Variants in GULP1 observed in about 807,000 individuals in gnomAD.
GULP1 encodes the protein PTB domain-containing engulfment adapter protein 1.
Under a neutral mutation model 40.9 loss-of-function variants are expected in GULP1, and 19 were observed. That is an observed-to-expected ratio of 0.46 (90% CI 0.32 to 0.68). The LOEUF (loss-of-function observed/expected upper bound fraction) is 0.68. Ranked by LOEUF, GULP1 falls within the 30% of genes least tolerant of loss-of-function variation. The pLI is 0.03. For missense variants in GULP1, 312 were observed against 362.2 expected, an observed-to-expected ratio of 0.86 and a Z score of 1.12; for synonymous variants, 119 against 117.6, an observed-to-expected ratio of 1.01 and a Z score of -0.08.
intron 1 of GULP1, among the ~76,000 whole-genome samples, chr2:188,341,284 CAGAG>C (rs1393563446): frequency 6.6e-6 from 1 of 152,060 alleles, no homozygotes; most frequent in East Asian, 1.9e-4. Flanking sequence ...GAGCAAAAGA[CAGAG>C]AGGATGGGAA....
chr2:188,480,906 T>C (rs1258605813), intron 3 of GULP1, among the ~76,000 whole-genome samples: 1 of 151,918 alleles, frequency 6.6e-6, no homozygotes. Flanking sequence ...TTAACAAACA[T>C]TTTATTCAAA....
At chr2:188,331,004 G>A (rs1168926330) in intron 1 of GULP1, among the ~76,000 whole-genome samples, 5 of 152,160 alleles carry the variant, frequency 3.3e-5, no homozygotes, top group Non-Finnish European at 5.9e-5. Context: ...GGAAAAAAAA[G>A]TTTCAATTAG....
chr2:188,569,984 G>GAAAA, intron 8 of GULP1, 44 bp from the exon 9 acceptor site: 1 of 668,434 alleles, frequency 1.5e-6, no homozygotes, highest in Non-Finnish European at 2.5e-6. Context: ...TATTTTCCAA[G>GAAAA]AAAAAAAAAA....
In GULP1 at chr2:188,452,013, T is replaced by C. The variant is rs573226594; in HGVS notation, c.-44-25646T>C. Reference sequence around the variant, plus strand: ...TGCAGAATTAGGATGAATTGTTTTATAACTGAGATTTTTATAATTTTGGAT... The same window carrying C: ...TGCAGAATTAGGATGAATTGTTTTACAACTGAGATTTTTATAATTTTGGAT... On this transcript the variant is annotated intron_variant, in intron 2 of 11. Coordinates refer to ENST00000409830, the MANE Select transcript of GULP1 (RefSeq NM_016315.4). Among the ~76,000 whole-genome samples the C allele has an allele frequency of 1.6e-4, 24 of 152,340 alleles. 1 individual carries two copies. Among genetic ancestry groups the C allele is most frequent in the African/African-American group, 5.3e-4 (22 of 41,576 alleles).
chr2:188,324,380 A>G (rs2040449212), intron 1 of GULP1, among the ~76,000 whole-genome samples: 1 of 152,104 alleles, frequency 6.6e-6, no homozygotes, highest in Non-Finnish European at 1.5e-5. Context: ...CTTAGTGAAC[A>G]TATAAAATGC....
chr2:188,361,065 G>A (rs2046009229), intron 1 of GULP1, among the ~76,000 whole-genome samples: 1 of 152,100 alleles, frequency 6.6e-6, no homozygotes, highest in Admixed American at 6.6e-5. Flanking sequence ...TTGCGCAGAT[G>A]ACAAAGATAG....
At chr2:188,412,115 C>T (rs550829449) in intron 2 of GULP1, among the ~76,000 whole-genome samples, 2 of 152,184 alleles carry the variant, frequency 1.3e-5, no homozygotes, top group Non-Finnish European at 2.9e-5. Flanking sequence ...TTCACAATTC[C>T]GCTGAGCTGG....
At chr2:188,468,610 T>TTATATATATATATATATATA (rs1278449738) in intron 2 of GULP1, among the ~76,000 whole-genome samples, 8 of 152,318 alleles carry the variant, frequency 5.3e-5, no homozygotes, top group Middle Eastern at 3.4e-3. Flanking sequence ...GGAACAGTTT[T>TTATATATATATATATATATA]TATAGTGAAA....
At chr2:188,521,114 T>C (rs760068430) in intron 4 of GULP1, among the ~76,000 whole-genome samples, 7 of 152,108 alleles carry the variant, frequency 4.6e-5, no homozygotes, top group Non-Finnish European at 5.9e-5. Flanking sequence ...TTTGGTCTTA[T>C]AATTGGTGGT....
chr2:188,499,135 G>GTGTATATATA (rs1491197735), intron 4 of GULP1, among the ~76,000 whole-genome samples: 1 of 56,354 alleles, frequency 1.8e-5, no homozygotes, highest in African/African-American at 6.7e-5. Flanking sequence ...ATATGTGTGT[G>GTGTATATATA]TATATATATA....
At chr2:188,421,269 A>G (rs1296618501) in intron 2 of GULP1, among the ~76,000 whole-genome samples, 1 of 152,210 alleles carries the variant, frequency 6.6e-6, no homozygotes, top group African/African-American at 2.4e-5. Flanking sequence ...TTTAAATTTC[A>G]AATTCGTCAA....
chr2:188,515,948 T>C (rs1182189436), intron 4 of GULP1, among the ~76,000 whole-genome samples: 1 of 152,174 alleles, frequency 6.6e-6, no homozygotes, highest in Non-Finnish European at 1.5e-5. Context: ...TTCTCCAAAA[T>C]TTATAATGAA....
At chr2:188,303,672 G>GA (rs1246079739) in intron 1 of GULP1, among the ~76,000 whole-genome samples, 1 of 152,158 alleles carries the variant, frequency 6.6e-6, no homozygotes, top group Non-Finnish European at 1.5e-5. Context: ...CCAATAACTG[G>GA]AATACCTAAG....
intron 2 of GULP1, among the ~76,000 whole-genome samples, chr2:188,438,917 T>C (rs1446843532): frequency 2.0e-5 from 3 of 152,084 alleles, no homozygotes; most frequent in South Asian, 2.1e-4. Context: ...TTATATACTA[T>C]ATATGTTCCA....
chr2:188,309,497 G>C (rs1470417224), intron 1 of GULP1, among the ~76,000 whole-genome samples: 2 of 151,888 alleles, frequency 1.3e-5, no homozygotes, highest in Non-Finnish European at 2.9e-5. Flanking sequence ...AGAAATTAAG[G>C]TATATTATCT....
chr2:188,445,999 C>T (rs867845639), intron 2 of GULP1, among the ~76,000 whole-genome samples: 2 of 152,126 alleles, frequency 1.3e-5, no homozygotes, highest in African/African-American at 2.4e-5. Context: ...CTATTAGCTG[C>T]CCATTCTTCA....
At chr2:188,307,752 A>G (rs2037353968) in intron 1 of GULP1, among the ~76,000 whole-genome samples, 2 of 152,192 alleles carry the variant, frequency 1.3e-5, no homozygotes, top group Admixed American at 1.3e-4. Context: ...TTCTTTTCAC[A>G]TAATATGCTG....
chr2:188,587,699 G>A (rs151227547), intron 10 of GULP1, among the ~76,000 whole-genome samples, 156 bp from the exon 11 acceptor site: 16 of 152,044 alleles, frequency 1.1e-4, no homozygotes, highest in African/African-American at 3.9e-4. Context: ...TGTTTAACTG[G>A]TCTAAGGTCA....
intron 2 of GULP1, among the ~76,000 whole-genome samples, chr2:188,458,811 C>T (rs573271954): frequency 6.6e-6 from 1 of 152,040 alleles, no homozygotes; most frequent in South Asian, 2.1e-4. Flanking sequence ...TTAACTCTCT[C>T]CATCTCCCTC....
Sources: allele counts gnomAD v4.1 joint callset (sites outside exome capture counted in the v4.1 genomes callset), GRCh38; gene constraint gnomAD v4.1.1; transcripts MANE v1.5; gene names NCBI Gene and HGNC (gene_info 2026-07-23, HGNC 2026-07-21).